The following AHCTF1 variants were observed in gnomAD, a reference collection of about 807,000 sequenced individuals.
AHCTF1 encodes the protein protein ELYS.
AHCTF1 carries 24 observed loss-of-function variants against 248.4 expected under a neutral mutation model. The ratio of observed to expected loss-of-function variants is 0.10; its 90% confidence interval spans 0.07 to 0.14. The LOEUF is 0.14. AHCTF1 is among the 10% of genes least tolerant of loss of function. The pLI is 1.00. For synonymous variants in AHCTF1, 786 were observed against 929.8 expected, an observed-to-expected ratio of 0.85 and a Z score of 2.81; for missense variants, 2,206 against 2,636.2, an observed-to-expected ratio of 0.84 and a Z score of 3.57.
rs1292527551 is a variant in AHCTF1 at position 246,888,377 on chromosome 1, C to G, written c.2268+17G>C. 1.9e-6 allele frequency: 3 copies of G among 1,612,650 alleles called. No homozygotes were observed. Among genetic ancestry groups the G allele is most frequent in the Non-Finnish European group, 2.5e-6 (3 of 1,179,886 alleles). On this transcript the variant is annotated intron_variant, in intron 18 of 35. Coordinates refer to ENST00000648844, the MANE Select transcript of AHCTF1 (RefSeq NM_001323342.2). ...GCTTTGTAGACTCTAAATGATAGCA[C>G]ATTACTGCAAACCTACATGCAGACT...
chr1:246,914,735 C>A (rs950355753), intron 3 of AHCTF1, among the ~76,000 whole-genome samples: 2 of 152,172 alleles, frequency 1.3e-5, no homozygotes, highest in African/African-American at 4.8e-5. Flanking sequence ...TCTATCGCTA[C>A]TCCCCCATCT....
intron 4 of AHCTF1, among the ~76,000 whole-genome samples, chr1:246,910,117 C>T (rs925494947): frequency 3.0e-4 from 45 of 152,148 alleles, no homozygotes; most frequent in African/African-American, 1.1e-3. Flanking sequence ...AATACTAAAC[C>T]TTCATCTATA....
chr1:246,856,310 A>G (rs1661108379), intron 30 of AHCTF1, among the ~76,000 whole-genome samples: 1 of 152,240 alleles, frequency 6.6e-6, no homozygotes, highest in South Asian at 2.1e-4. Flanking sequence ...GAATATGATG[A>G]CAGTGTTCCT....
At chr1:246,922,826 CAA>C (rs1399093490) in intron 1 of AHCTF1, among the ~76,000 whole-genome samples, 1 of 149,322 alleles carries the variant, frequency 6.7e-6, no homozygotes, top group East Asian at 2.0e-4. Flanking sequence ...ACTAAAAATA[CAA>C]AAAAAATAGC....
Position 246,891,001 on chromosome 1 carries a change from C to A in AHCTF1, c.2005G>T (p.Val669Leu). 2 of 1,559,030 alleles carry A rather than the reference C, an allele frequency of 1.3e-6. No homozygotes were observed. Among genetic ancestry groups the A allele is most frequent in the Non-Finnish European group, 1.7e-6 (2 of 1,158,792 alleles). The change falls in exon 16 of 36, where the codon GTG (valine) becomes TTG (leucine). Residue 669 changes from valine (V) to leucine (L), a missense_variant. Around this residue, in one of 6 missense-constraint regions of AHCTF1, gnomAD observed 650 missense variants for 870.8 expected, o/e 0.75. Transcript: ENST00000648844. ...CCAGAATGAGAGAACCAAAGAACCA[C>A]TTGTGCATACTGACAGATGAGGTGG... ...VSHLICQYAQVVLWFSHSGLL... is the reference protein window; with the variant it reads ...VSHLICQYAQLVLWFSHSGLL...
intron 6 of AHCTF1, among the ~76,000 whole-genome samples, chr1:246,904,713 G>GT (rs1423484800): frequency 6.6e-6 from 1 of 152,216 alleles, no homozygotes; most frequent in Non-Finnish European, 1.5e-5. Context: ...GAAGCATGCA[G>GT]TAAGTGTTAA....
In AHCTF1 at chr1:246,926,950, G is replaced by A. The variant is rs189008391; in HGVS notation, c.-8+4628C>T. Among the ~76,000 whole-genome samples, 270 of 152,106 alleles carry A rather than the reference G, an allele frequency of 1.8e-3. 2 individuals are homozygous for A. The highest frequency in any genetic ancestry group is 6.3e-3 in the African/African-American group (263 of 41,494). On this transcript the variant is annotated intron_variant, in intron 1 of 35. Transcript: ENST00000648844. ...AGCACTTTGGGAGGCTAAGGCGGGC[G>A]GATCACGAGGTCAGGAGATCGAGAC... is the stretch of plus-strand genomic sequence containing the variant.
chr1:246,881,386 A>T (rs1663393086), intron 21 of AHCTF1, among the ~76,000 whole-genome samples: 1 of 152,214 alleles, frequency 6.6e-6, no homozygotes, highest in Non-Finnish European at 1.5e-5. Flanking sequence ...CAGACTAGGA[A>T]AAAAAATTAT....
intron 24 of AHCTF1, among the ~76,000 whole-genome samples, chr1:246,871,039 T>TTTTG (rs1483186467): frequency 1.3e-5 from 2 of 152,180 alleles, no homozygotes; most frequent in Non-Finnish European, 2.9e-5. Context: ...TTGCCAAACC[T>TTTTG]TTTGACTTAT....
chr1:246,843,750 A>G, intron 34 of AHCTF1, 45 bp downstream of exon 34: 1 of 1,231,480 alleles, frequency 8.1e-7, no homozygotes, highest in Non-Finnish European at 1.1e-6. Flanking sequence ...TAAAAAAAAA[A>G]AGTATGTTTT....
At chr1:246,897,903 C>T (rs1269604657) in intron 12 of AHCTF1, among the ~76,000 whole-genome samples, 2 of 80,712 alleles carry the variant, frequency 2.5e-5, no homozygotes, top group Non-Finnish European at 5.1e-5. Flanking sequence ...CGCTTAAGCC[C>T]AAGAGGTTGA....
intron 35 of AHCTF1, 113 bp downstream of exon 35, chr1:246,842,581 C>A: frequency 1.2e-6 from 1 of 811,420 alleles, no homozygotes; most frequent in Non-Finnish European, 1.7e-6. Flanking sequence ...GACTCTGTCT[C>A]AAAAAAAATA....
At chr1:246,891,959 A>T in intron 14 of AHCTF1, 40 bp from the exon 15 acceptor site, 1 of 1,548,098 alleles carries the variant, frequency 6.5e-7, no homozygotes, top group South Asian at 1.2e-5. Flanking sequence ...CCATACAGTA[A>T]ATCTAAATAA....
chr1:246,890,467 G>A (rs772707243), intron 16 of AHCTF1, among the ~76,000 whole-genome samples: 4 of 152,076 alleles, frequency 2.6e-5, no homozygotes, highest in Non-Finnish European at 5.9e-5. Context: ...AGAAGCTGAA[G>A]GCTTTGCAAG....
chr1:246,841,416 A>C (rs1219355853), intron 35 of AHCTF1, among the ~76,000 whole-genome samples: 2 of 152,200 alleles, frequency 1.3e-5, no homozygotes, highest in Non-Finnish European at 2.9e-5. Flanking sequence ...AGAATTTCAC[A>C]AACTTGAGTT....
intron 7 of AHCTF1, 130 bp downstream of exon 7, chr1:246,903,819 C>CA (rs1199393617): frequency 3.7e-5 from 26 of 710,138 alleles, no homozygotes; most frequent in Non-Finnish European, 5.1e-5. Context: ...GCCTGGGCGA[C>CA]AGAGCGAGAC....
At chr1:246,856,091 A>G (rs1558217234) in intron 30 of AHCTF1, among the ~76,000 whole-genome samples, 1 of 152,238 alleles carries the variant, frequency 6.6e-6, no homozygotes, top group Non-Finnish European at 1.5e-5. Flanking sequence ...ATGATTTTAA[A>G]ATGCCTGTCA....
At chr1:246,878,064 C>G (rs1246189942) in intron 21 of AHCTF1, among the ~76,000 whole-genome samples, 1 of 151,550 alleles carries the variant, frequency 6.6e-6, no homozygotes, top group African/African-American at 2.4e-5. Flanking sequence ...ATACAGTCTA[C>G]AGAAACACCA....
intron 27 of AHCTF1, among the ~76,000 whole-genome samples, chr1:246,863,472 T>C (rs570827268): frequency 1.3e-5 from 2 of 151,926 alleles, no homozygotes; most frequent in South Asian, 2.1e-4. Context: ...GCTAATAACT[T>C]AGGAGATGGG....
Sources: gnomAD v4.1 joint callset for allele counts (sites outside exome capture counted in the v4.1 genomes callset) on GRCh38, gnomAD v4.1.1 for gene constraint, gnomAD v4.1.1 regional missense constraint, MANE v1.5 for transcripts, NCBI Gene and HGNC (gene_info 2026-07-23, HGNC 2026-07-21) for gene names.